DDX55: variants seen among roughly 807,000 people sequenced by gnomAD.
DDX55 encodes the protein ATP-dependent RNA helicase DDX55.
DDX55 carries 56 observed loss-of-function variants against 69.2 expected under a neutral mutation model. The observed-to-expected ratio is 0.81, with a 90% CI of 0.65 to 1.01. The LOEUF is 1.01. Among genes scored for constraint, DDX55 ranks in the 50% least tolerant of loss-of-function variants. The probability of loss-of-function intolerance (pLI) is 0.00; values close to 1 mark genes in which losing one functional copy is unlikely to be tolerated. For synonymous variants in DDX55, 268 were observed against 273.1 expected (o/e 0.98, Z 0.18); for missense variants, 720 against 745.1 (o/e 0.97, Z 0.39).
At chr12:123,618,949 C>T in intron 12 of DDX55, 112 bp downstream of exon 12, 6 of 1,477,722 alleles carry the variant, frequency 4.1e-6, no homozygotes, top group Non-Finnish European at 5.5e-6. Context: ...TTTGAGTAGA[C>T]ACAGAATAAA....
chr12:123,616,419 C>T (rs1368937143), intron 9 of DDX55, 92 bp from the exon 10 acceptor site: 3 of 1,118,640 alleles, frequency 2.7e-6, no homozygotes, highest in African/African-American at 3.1e-5. Context: ...GCTCCAGCAC[C>T]TGTGTGTCAC....
At chr12:123,615,631 G>A (rs922457000) in intron 9 of DDX55, among the ~76,000 whole-genome samples, 11 of 152,222 alleles carry the variant, frequency 7.2e-5, no homozygotes, top group Middle Eastern at 3.2e-3. Context: ...CCAGGGAAAG[G>A]TTGTGATGAC....
rs779248003 is a variant in DDX55 at position 123,606,128 on chromosome 12, T to A, written c.215T>A (p.Leu72Gln). ...AFVIPILEIL[L>Q]RREEKLKKSQ... Reference sequence around the variant, plus strand: ...GTCATCCCCATCCTGGAAATTCTTCTGAGAAGAGAAGAGAAGTTAAAAAAG... The same window carrying A: ...GTCATCCCCATCCTGGAAATTCTTCAGAGAAGAGAAGAGAAGTTAAAAAAG... Residue 72 changes from leucine to glutamine, a missense_variant, in exon 3 of 14, where the codon CTG (leucine) becomes CAG (glutamine). Coordinates refer to ENST00000238146, the MANE Select transcript of DDX55 (RefSeq NM_020936.3). 1 of 1,614,110 alleles carries A rather than the reference T, an allele frequency of 6.2e-7. No individual in the cohort carries two copies. Among genetic ancestry groups the A allele is most frequent in the South Asian group, 1.1e-5 (1 of 91,084 alleles).
intron 1 of DDX55, among the ~76,000 whole-genome samples, chr12:123,602,572 G>A (rs1258706543): frequency 6.6e-6 from 1 of 152,190 alleles, no homozygotes; most frequent in Non-Finnish European, 1.5e-5. Context: ...TTCCTTCTCT[G>A]TGAAATGACG....
intron 6 of DDX55, among the ~76,000 whole-genome samples, chr12:123,609,320 G>A (rs546458360): frequency 7.3e-5 from 11 of 149,740 alleles, no homozygotes; most frequent in African/African-American, 2.7e-4. Context: ...ATTCTACCAC[G>A]TGATTTTATT....
chr12:123,607,616 G>A lies in DDX55; in HGVS notation c.355G>A (p.Gly119Arg), dbSNP rs200057596. The A allele has an allele frequency of 2.4e-5, 39 of 1,614,024 alleles. No individual in the cohort carries two copies. In the Middle Eastern group the frequency reaches 6.6e-4, roughly 27 times the overall value. Residue 119 changes from glycine (G) to arginine (R), a missense_variant, in exon 5 of 14, where the codon GGA becomes AGA. Coordinates refer to ENST00000238146, the MANE Select transcript of DDX55 (RefSeq NM_020936.3). The part of the protein sequence containing the change: ...FPEFSQILWI[G>R]GRNPGEDVER... ...TTGTTGTAGCCAGATTCTTTGGATCGGAGGCAGGAATCCTGGAGAAGATGT... is the reference window on the plus strand; with the variant it reads ...TTGTTGTAGCCAGATTCTTTGGATCAGAGGCAGGAATCCTGGAGAAGATGT...
At chr12:123,616,673 G>A (rs746734360) in intron 10 of DDX55, 70 bp downstream of exon 10, 3 of 1,456,930 alleles carry the variant, frequency 2.1e-6, no homozygotes, top group Non-Finnish European at 2.9e-6. Flanking sequence ...TCCCGAAGAA[G>A]ATAAACAGAT....
At chr12:123,602,433 G>A (rs1379052758) in intron 1 of DDX55, among the ~76,000 whole-genome samples, 177 bp downstream of exon 1, 1 of 152,220 alleles carries the variant, frequency 6.6e-6, no homozygotes, top group Non-Finnish European at 1.5e-5. Context: ...CCCGGCCAGC[G>A]AGCCGGCAGA....
chr12:123,606,049 G>A, intron 2 of DDX55, 24 bp from the exon 3 acceptor site: 1 of 1,509,188 alleles, frequency 6.6e-7, no homozygotes, highest in East Asian at 2.5e-5. Context: ...GGAAGAAAGG[G>A]AAACCAAAAC....
chr12:123,617,789 C>A lies in DDX55; in HGVS notation c.1081C>A (p.Arg361Ser). 1.2e-6 allele frequency: 2 copies of A among 1,613,522 alleles called. No homozygotes were observed. The highest frequency in any genetic ancestry group is 1.7e-6 in the Non-Finnish European group (2 of 1,179,860). The change falls in exon 11 of 14, where the codon CGC (arginine) becomes AGC (serine). Residue 361 changes from arginine to serine, a missense_variant. Coordinates refer to ENST00000238146, the MANE Select transcript of DDX55 (RefSeq NM_020936.3). The stretch of plus-strand genomic sequence containing the variant: ...CGTGCATCGCTGCGGTCGCACAGCT[C>A]GCATTGGCCACGGGGGCAGCGCTCT... ...AFVHRCGRTA[R>S]IGHGGSALVF...
chr12:123,603,643 G>A (rs576847013), intron 1 of DDX55, among the ~76,000 whole-genome samples: 16 of 152,096 alleles, frequency 1.1e-4, no homozygotes, highest in African/African-American at 3.4e-4. Flanking sequence ...ACCCGCCTTG[G>A]CCTCCCAAAG....
At position 123,619,505 on chromosome 12, in the gene DDX55, G is replaced by A. The variant is rs1351163812; in HGVS notation, c.1407G>A (p.Lys469=). ...RMPKMPELRG[K]QFPDFVPVDV... ...CCAAGATGCCAGAATTGAGAGGAAAGCAGTTTCCAGATTTTGTGCCCGTGG... is the reference window on the plus strand; with the variant it reads ...CCAAGATGCCAGAATTGAGAGGAAAACAGTTTCCAGATTTTGTGCCCGTGG... The change falls in exon 13 of 14, where the codon AAG becomes AAA. Residue 469 remains lysine, a synonymous_variant. Coordinates refer to ENST00000238146, the MANE Select transcript of DDX55 (RefSeq NM_020936.3). 1 of 1,613,866 alleles carries A rather than the reference G, an allele frequency of 6.2e-7. No homozygotes were observed.
At chr12:123,614,018 T>C (rs1002815384) in intron 8 of DDX55, among the ~76,000 whole-genome samples, 4 of 151,872 alleles carry the variant, frequency 2.6e-5, no homozygotes, top group African/African-American at 9.7e-5. Context: ...TTTATATTTA[T>C]AATTTCTTTT....
At chr12:123,612,465 G>C (rs1173376736) in intron 7 of DDX55, among the ~76,000 whole-genome samples, 1 of 152,162 alleles carries the variant, frequency 6.6e-6, no homozygotes, top group South Asian at 2.1e-4. Flanking sequence ...GGACTTGATT[G>C]CATTATGAAG....
intron 1 of DDX55, 22 bp downstream of exon 1, chr12:123,602,278 G>A: frequency 1.3e-6 from 2 of 1,535,312 alleles, no homozygotes; most frequent in Non-Finnish European, 1.8e-6. Flanking sequence ...CTGGCGTGGG[G>A]GAGTGAGGCT....
At chr12:123,607,774 C>T in intron 5 of DDX55, 112 bp downstream of exon 5, 1 of 1,476,350 alleles carries the variant, frequency 6.8e-7, no homozygotes, top group Non-Finnish European at 9.4e-7. Context: ...CCTCCTCCCC[C>T]TGCAAAAAGG....
intron 11 of DDX55, chr12:123,618,144 G>A: frequency 4.9e-6 from 2 of 411,080 alleles, no homozygotes; most frequent in Non-Finnish European, 9.1e-6. Context: ...AGCCTCCCAA[G>A]TAGCTGGGAT....
Position 123,620,831 on chromosome 12 carries a change from G to C in DDX55, c.*691G>C, listed in dbSNP as rs184470082. 6.6e-6 allele frequency: 1 copy of C among 151,602 alleles called. No individual in the cohort carries two copies. 9.4% of individuals were successfully genotyped at this position (151,602 alleles called of 1,614,324 possible). The stretch of plus-strand genomic sequence containing the variant: ...GGGTTTTTCTGTGTTAATAGTCACA[G>C]TATTGTTTTATTGGTGAATAGCTGA... On this transcript the variant is annotated 3_prime_UTR_variant, in exon 14 of 14. Coordinates refer to ENST00000238146, the MANE Select transcript of DDX55 (RefSeq NM_020936.3).
chr12:123,607,405 CTG>C (rs765343631), intron 3 of DDX55, 25 bp from the exon 4 acceptor site: 1 of 1,612,450 alleles, frequency 6.2e-7, no homozygotes, highest in African/African-American at 1.3e-5. Flanking sequence ...GTGCTGCTGA[CTG>C]TGTCCCTTCC....
Sources: gnomAD v4.1 joint callset for allele counts (sites outside exome capture counted in the v4.1 genomes callset) on GRCh38, gnomAD v4.1.1 for gene constraint, MANE v1.5 for transcripts, NCBI Gene and HGNC (gene_info 2026-07-23, HGNC 2026-07-21) for gene names.